SHISA5: variants seen among roughly 807,000 people sequenced by gnomAD.
SHISA5 encodes shisa family member 5, also known as protein shisa-5.
A neutral mutation model predicts 27.5 loss-of-function variants in SHISA5; 21 were observed. The ratio of observed to expected loss-of-function variants is 0.76; its 90% CI spans 0.54 to 1.10. The LOEUF is 1.10. Ranked by LOEUF, SHISA5 falls within the 50% of genes least tolerant of loss-of-function variation. SHISA5 has a pLI of 0.00. For missense variants in SHISA5, 314 were observed against 336.3 expected, an observed-to-expected ratio of 0.93 and a Z score of 0.52; for synonymous variants, 137 against 142.2, an observed-to-expected ratio of 0.96 and a Z score of 0.26.
At chr3:48,492,253 G>A (rs112393856) in intron 2 of SHISA5, among the ~76,000 whole-genome samples, 2 of 147,624 alleles carry the variant, frequency 1.4e-5, no homozygotes, top group Non-Finnish European at 3.0e-5. Flanking sequence ...GGCGGATCAC[G>A]AGGTCAGGAG....
chr3:48,502,257 T>A, intron 1 of SHISA5: 1 of 392,666 alleles, frequency 2.5e-6, no homozygotes, highest in Middle Eastern at 3.6e-4. Flanking sequence ...GGGGCCTGGC[T>A]CTCACAGACC....
intron 3 of SHISA5, among the ~76,000 whole-genome samples, chr3:48,472,303 C>T (rs950650645): frequency 6.6e-6 from 1 of 151,618 alleles, no homozygotes; most frequent in Non-Finnish European, 1.5e-5. Context: ...GCCTGGGCAA[C>T]ATAGTGAAAC....
intron 2 of SHISA5, among the ~76,000 whole-genome samples, chr3:48,482,416 A>G (rs2041055251): frequency 6.6e-6 from 1 of 152,140 alleles, no homozygotes. Context: ...AAAACAATAA[A>G]TAAATAAAAT....
chr3:48,487,696 G>T (rs1247463591), intron 2 of SHISA5, among the ~76,000 whole-genome samples: 1 of 152,006 alleles, frequency 6.6e-6, no homozygotes, highest in Admixed American at 6.6e-5. Context: ...GGAGTTCAAG[G>T]CCAGCCTGGC....
At chr3:48,504,227 C>G, upstream of SHISA5, 1 of 365,208 alleles carries the variant, frequency 2.7e-6, no homozygotes, top group Non-Finnish European at 4.8e-6. The surrounding 1 kb of genome is among the most constrained non-coding windows in gnomAD (Gnocchi z 4.0). Context: ...AACCTCTGTC[C>G]GGGGGAGCAG....
At chr3:48,484,549 T>C (rs137860210) in intron 2 of SHISA5, among the ~76,000 whole-genome samples, 74 of 150,816 alleles carry the variant, frequency 4.9e-4, no homozygotes, top group Middle Eastern at 6.9e-3. Context: ...TGAGCTGAGA[T>C]TGTGCTACTC....
chr3:48,479,351 C>T (rs1411941785), intron 2 of SHISA5, 94 bp from the exon 3 acceptor site: 2 of 1,235,022 alleles, frequency 1.6e-6, no homozygotes, highest in Non-Finnish European at 2.3e-6. Flanking sequence ...TGCACAGAAG[C>T]TACTATGAAC....
intron 2 of SHISA5, among the ~76,000 whole-genome samples, chr3:48,479,996 C>T (rs1242696039): frequency 2.0e-5 from 3 of 152,042 alleles, no homozygotes; most frequent in Non-Finnish European, 2.9e-5. Flanking sequence ...CTCCGCCTCC[C>T]GGCTTCACAC....
At chr3:48,478,744 C>T (rs746206063) in intron 3 of SHISA5, among the ~76,000 whole-genome samples, 1 of 152,150 alleles carries the variant, frequency 6.6e-6, no homozygotes, top group Non-Finnish European at 1.5e-5. Context: ...ACCCCAATAC[C>T]ATGTGCTTGC....
At chr3:48,475,805 C>T (rs746724092) in intron 3 of SHISA5, among the ~76,000 whole-genome samples, 3 of 152,208 alleles carry the variant, frequency 2.0e-5, no homozygotes, top group African/African-American at 7.2e-5. Context: ...GGATCCAAAA[C>T]AACCAGGAGA....
At chr3:48,499,540 C>A (rs1408292794) in intron 2 of SHISA5, among the ~76,000 whole-genome samples, 2 of 150,824 alleles carry the variant, frequency 1.3e-5, no homozygotes, top group Non-Finnish European at 2.9e-5. Flanking sequence ...TTAGGCCGGG[C>A]GTGGTGGCGG....
chr3:48,493,931 G>A (rs1315203882), intron 2 of SHISA5, among the ~76,000 whole-genome samples: 5 of 147,666 alleles, frequency 3.4e-5, no homozygotes, highest in Non-Finnish European at 5.9e-5. Flanking sequence ...GAGGTAATTA[G>A]CATATGCATT....
intron 2 of SHISA5, among the ~76,000 whole-genome samples, chr3:48,485,199 A>G (rs2041159693): frequency 6.6e-6 from 1 of 151,846 alleles, no homozygotes. Context: ...AAATAAAGAA[A>G]AGAAACCAGT....
intron 2 of SHISA5, among the ~76,000 whole-genome samples, chr3:48,492,806 A>G (rs2041472871): frequency 6.8e-6 from 1 of 147,554 alleles, no homozygotes; most frequent in Non-Finnish European, 1.5e-5. Context: ...GGGGTTAATC[A>G]GAAGTCAACA....
chr3:48,472,137 T>A lies in SHISA5; in HGVS notation c.315-2294A>T, dbSNP rs188735449. ...GGGAGGTTGCAGTGAGCTAAGATTG[T>A]GCCACTGCACTCCAGCCTGAGCAAC... On this transcript the variant is annotated intron_variant, in intron 3 of 5. Transcript: ENST00000296444. Among the ~76,000 whole-genome samples the A allele has an allele frequency of 4.1e-4, 62 of 149,946 alleles. 1 individual carries two copies. Among genetic ancestry groups the A allele is most frequent in the Admixed American group, 3.6e-3 (54 of 15,074 alleles).
Position 48,468,577 on chromosome 3 carries a change from C to T in SHISA5, c.*530G>A, listed in dbSNP as rs1191684157. ...GGATCAAAGTCCAACTTGGCCAGATCCCAAGCTTCGCCTGCATCATGTCCC... is the reference window on the plus strand; with the variant it reads ...GGATCAAAGTCCAACTTGGCCAGATTCCAAGCTTCGCCTGCATCATGTCCC... On this transcript the variant is annotated 3_prime_UTR_variant, in exon 6 of 6. Transcript: ENST00000296444. 1 of 1,189,694 alleles carries T rather than the reference C, an allele frequency of 8.4e-7. No individual in the cohort carries two copies. Among genetic ancestry groups the T allele is most frequent in the African/African-American group, 1.6e-5 (1 of 62,498 alleles). 73.7% of individuals were successfully genotyped at this position (1,189,694 alleles called of 1,614,324 possible). A position where few individuals can be genotyped will look rare whatever the true frequency, so the allele number is the denominator to read the frequency against.
At chr3:48,504,195 C>CCCCGG, upstream of SHISA5, 1 of 473,924 alleles carries the variant, frequency 2.1e-6, no homozygotes, top group East Asian at 3.7e-5. The surrounding 1 kb of genome is among the most constrained non-coding windows in gnomAD (Gnocchi z 4.0). Context: ...CCCCGCCCCG[C>CCCCGG]CCCGGCCCGG....
chr3:48,504,022 C>A lies in SHISA5; in HGVS notation c.73G>T (p.Gly25Cys). ...LLLLLLTPPP[G>C]ARGEVCMASR... ...GCCGCCCCCACCCCCGGCTCACCAC[C>A]CGGAGGCGGCGTTAGCAGCAGCAGC... is the stretch of plus-strand genomic sequence containing the variant. The change falls in exon 1 of 6, where the codon GGT becomes TGT. Residue 25 changes from glycine to cysteine, a missense_variant. Gly to Cys is a radical substitution (Grantham distance 159, BLOSUM62 -3). Coordinates refer to ENST00000296444, the MANE Select transcript of SHISA5 (RefSeq NM_016479.6). The surrounding 1 kb of genome is among the most constrained non-coding windows in gnomAD (Gnocchi z 4.0). The A allele has an allele frequency of 6.8e-7, 1 of 1,468,054 alleles. No individual in the cohort carries two copies. The allele number at this position is 1,468,054 out of a possible 1,614,324, so 90.9% of individuals were successfully genotyped here.
intron 2 of SHISA5, among the ~76,000 whole-genome samples, chr3:48,482,981 G>A (rs1037430983): frequency 2.6e-5 from 4 of 152,104 alleles, no homozygotes; most frequent in African/African-American, 7.2e-5. Flanking sequence ...CTGGAATGCA[G>A]TGGTGTGATC....
Sources: gnomAD v4.1 joint callset for allele counts (sites outside exome capture counted in the v4.1 genomes callset) on GRCh38, gnomAD v4.1.1 for gene constraint, Gnocchi (gnomAD v3.1) non-coding constraint, MANE v1.5 for transcripts, NCBI Gene and HGNC (gene_info 2026-07-23, HGNC 2026-07-21) for gene names.